POU2F1: variants seen among roughly 807,000 people sequenced by gnomAD.
POU2F1 encodes POU domain, class 2, transcription factor 1.
POU2F1 carries 16 observed loss-of-function variants against 84.9 expected under a neutral mutation model. The observed-to-expected ratio is 0.19, with a 90% CI of 0.13 to 0.29. POU2F1 has a LOEUF of 0.29. Among genes scored for constraint, POU2F1 ranks in the 10% least tolerant of loss-of-function variants. The probability of loss-of-function intolerance (pLI) is 1.00; values close to 1 mark genes in which losing one functional copy is unlikely to be tolerated. For synonymous variants in POU2F1, 368 were observed against 368.3 expected (o/e 1.00, Z 0.01); for missense variants, 738 against 942.6 (o/e 0.78, Z 2.84).
rs1316210795 is a variant in POU2F1, at chr1:167,334,200, T to C, written c.127+1665T>C. 1.0e-4 allele frequency among the ~76,000 whole-genome samples: 13 copies of C among 127,832 alleles called. No homozygotes were observed. The East Asian group carries it at 3.1e-3, about 30-fold the overall frequency. The allele number at this position is 127,832 out of a possible 152,430, so 83.9% of individuals were successfully genotyped here. A position where few individuals can be genotyped will look rare whatever the true frequency, so the allele number is the denominator to read the frequency against. On this transcript the variant is annotated intron_variant, in intron 2 of 15. Coordinates refer to ENST00000367866, the MANE Select transcript of POU2F1 (RefSeq NM_002697.4). ...TTTGAGATGGAATTTTGCTCTTGTT[T>C]CCCAGGCGGGAGTGCAATGGTGCGA...
intron 1 of POU2F1, among the ~76,000 whole-genome samples, chr1:167,260,114 G>A (rs1216173883): frequency 2.0e-5 from 3 of 152,234 alleles, no homozygotes; most frequent in South Asian, 2.1e-4. Context: ...TCCTGACCTC[G>A]TGATCCGCCC....
chr1:167,357,049 A>T (rs58517718), intron 2 of POU2F1, among the ~76,000 whole-genome samples: 13,453 of 152,088 alleles, frequency 0.088, 1,907 homozygotes, highest in African/African-American at 0.3. Flanking sequence ...ACACTTTAGC[A>T]CAACAGGTGT....
intron 14 of POU2F1, 71 bp from the exon 15 acceptor site, chr1:167,412,955 C>G (rs1357690615): frequency 7.7e-7 from 1 of 1,298,016 alleles, no homozygotes; most frequent in Non-Finnish European, 1.1e-6. Context: ...TTGTAAGTTC[C>G]TTTTGGTGTG....
At position 167,421,724 on chromosome 1, in the gene POU2F1, A is replaced by G. The variant is rs2101966365; in HGVS notation, c.*5914A>G. 1 of 152,334 alleles carries G rather than the reference A, an allele frequency of 6.6e-6. No homozygotes were observed. The highest frequency in any genetic ancestry group is 6.5e-5 in the Admixed American group (1 of 15,310). 9.4% of individuals were successfully genotyped at this position (152,334 alleles called of 1,614,324 possible). ...TTCATAAAATACCTCAGAATAGCTT[A>G]GCATTGTTGCAAAACTGGTTTTAAA... On this transcript the variant is annotated 3_prime_UTR_variant, in exon 16 of 16. Coordinates refer to ENST00000367866, the MANE Select transcript of POU2F1 (RefSeq NM_002697.4).
At chr1:167,274,706 G>T (rs546709930) in intron 1 of POU2F1, among the ~76,000 whole-genome samples, 4 of 152,198 alleles carry the variant, frequency 2.6e-5, no homozygotes, top group African/African-American at 7.2e-5. Context: ...TTTCCGAAAG[G>T]GTTGGGAGTT....
intron 13 of POU2F1, among the ~76,000 whole-genome samples, chr1:167,409,090 CTG>C (rs1649784209): frequency 6.6e-6 from 1 of 152,150 alleles, no homozygotes; most frequent in African/African-American, 2.4e-5. Context: ...GGTGCTGTGT[CTG>C]TGAACTCTTT....
intron 1 of POU2F1, among the ~76,000 whole-genome samples, chr1:167,326,499 A>G (rs1571306354): frequency 6.6e-6 from 1 of 152,176 alleles, no homozygotes. Context: ...AGAGGCTTGG[A>G]CAAACTCCTG....
At chr1:167,265,357 G>T (rs1306096066) in intron 1 of POU2F1, among the ~76,000 whole-genome samples, 1 of 152,116 alleles carries the variant, frequency 6.6e-6, no homozygotes, top group Non-Finnish European at 1.5e-5. Flanking sequence ...TTAAGTTTTT[G>T]CCTCACAAGT....
intron 15 of POU2F1, among the ~76,000 whole-genome samples, chr1:167,414,098 C>CT (rs962012817): frequency 5.9e-5 from 9 of 152,096 alleles, no homozygotes; most frequent in Non-Finnish European, 1.2e-4. Flanking sequence ...GGTAATATCT[C>CT]TAACAGTGTA....
chr1:167,258,663 T>A (rs1008709368), intron 1 of POU2F1, among the ~76,000 whole-genome samples: 4 of 152,168 alleles, frequency 2.6e-5, no homozygotes, highest in African/African-American at 9.7e-5. Context: ...ATTTCAGGCT[T>A]TGTAGGCCAA....
At chr1:167,221,636 C>G (rs1240731597) in intron 1 of POU2F1, among the ~76,000 whole-genome samples, 3 of 150,782 alleles carry the variant, frequency 2.0e-5, no homozygotes, top group Non-Finnish European at 3.0e-5. Context: ...CTGCCCGCGC[C>G]CCGCGCGGGG....
chr1:167,413,687 G>T (rs1650124076), intron 15 of POU2F1, among the ~76,000 whole-genome samples: 1 of 152,104 alleles, frequency 6.6e-6, no homozygotes, highest in Non-Finnish European at 1.5e-5. Flanking sequence ...TCCAAGCTCA[G>T]CTGGGTTCCT....
chr1:167,271,236 A>G (rs188291941), intron 1 of POU2F1, among the ~76,000 whole-genome samples: 250 of 152,314 alleles, frequency 1.6e-3, no homozygotes, highest in African/African-American at 5.8e-3. Context: ...ATTAAAAAGA[A>G]CACCTAACTG....
chr1:167,384,602 C>G (rs1367910760), intron 8 of POU2F1, among the ~76,000 whole-genome samples: 1 of 151,820 alleles, frequency 6.6e-6, no homozygotes, highest in African/African-American at 2.4e-5. Context: ...GAAGTTATCA[C>G]TTAATACTAA....
chr1:167,247,111 T>G (rs1186058952), intron 1 of POU2F1, among the ~76,000 whole-genome samples: 1 of 151,996 alleles, frequency 6.6e-6, no homozygotes, highest in East Asian at 1.9e-4. Context: ...GGTCTCACTC[T>G]GTCGCCCAGG....
rs186878298 is a variant in POU2F1, at chr1:167,385,694, G to A, written c.813+1743G>A. ...ACCTAAACTTAGAGAAAAAAGCTTG[G>A]AAAAAAATCTTTGTGTCCTTGGGTT... On this transcript the variant is annotated intron_variant, in intron 8 of 15. Transcript: ENST00000367866. 3.1e-3 allele frequency among the ~76,000 whole-genome samples: 470 copies of A among 152,126 alleles called. 5 individuals carry two copies. The highest frequency in any genetic ancestry group is 0.014 in the Middle Eastern group (4 of 294).
intron 1 of POU2F1, among the ~76,000 whole-genome samples, chr1:167,247,532 C>T (rs1650423968): frequency 6.6e-6 from 1 of 152,118 alleles, no homozygotes; most frequent in South Asian, 2.1e-4. Context: ...AATATCCATC[C>T]CCACTTGAGT....
chr1:167,255,873 T>C (rs1163744056), intron 1 of POU2F1, among the ~76,000 whole-genome samples: 3 of 152,106 alleles, frequency 2.0e-5, no homozygotes. Flanking sequence ...TAAAAGAAGA[T>C]AATGCAGATG....
Position 167,352,537 on chromosome 1 carries a change from C to T in POU2F1, c.128-12930C>T, listed in dbSNP as rs1006592766. 2.0e-5 allele frequency among the ~76,000 whole-genome samples: 3 copies of T among 152,272 alleles called. No homozygotes were observed. The South Asian group carries it at 6.2e-4, about 32-fold the overall frequency. On this transcript the variant is annotated intron_variant, in intron 2 of 15. Coordinates refer to ENST00000367866, the MANE Select transcript of POU2F1 (RefSeq NM_002697.4). The stretch of plus-strand genomic sequence containing the variant: ...TTGGGAGAGAGTTGAGGCAGGGGTG[C>T]TAGACAAATCGGTGGAAGGCTCGGA...
Sources: gnomAD v4.1 joint callset for allele counts (sites outside exome capture counted in the v4.1 genomes callset) on GRCh38, gnomAD v4.1.1 for gene constraint, MANE v1.5 for transcripts, NCBI Gene and HGNC (gene_info 2026-07-23, HGNC 2026-07-21) for gene names.